Variants in TTLL6 observed in about 807,000 individuals in gnomAD.
TTLL6 encodes the protein tubulin polyglutamylase TTLL6.
In TTLL6, 75 loss-of-function variants were observed where a neutral mutation model predicts 96.4. That is an observed-to-expected ratio of 0.78 (90% CI 0.65 to 0.94). TTLL6 has a LOEUF of 0.94. TTLL6 is among the 40% of genes least tolerant of loss of function. The pLI, the probability that TTLL6 is intolerant of heterozygous loss-of-function variation, is 0.00. For synonymous variants in TTLL6, 411 were observed against 419.4 expected (o/e 0.98, Z 0.24); for missense variants, 1,030 against 1,093.0 (o/e 0.94, Z 0.81).
Position 48,782,915 on chromosome 17 carries a change from G to A in TTLL6, c.2040+2008C>T, listed in dbSNP as rs1413068655. ...TTTTGTAGAGACGGGGTTTCATCAT[G>A]TTGCCGAGGCTGGTCTTGAACTCCT... On this transcript the variant is annotated intron_variant, in intron 13 of 15. Transcript: ENST00000393382. 2.6e-5 allele frequency among the ~76,000 whole-genome samples: 4 copies of A among 151,988 alleles called. No individual in the cohort carries two copies. In the East Asian group the frequency reaches 7.8e-4, roughly 30 times the overall value.
Position 48,797,141 on chromosome 17 carries a change from G to C in TTLL6, c.832C>G (p.Pro278Ala), listed in dbSNP as rs900793524. Residue 278 changes from proline to alanine, a missense_variant, in exon 7 of 16, where the codon CCT (proline) becomes GCT (alanine). Coordinates refer to ENST00000393382, the MANE Select transcript of TTLL6 (RefSeq NM_001130918.3). ...RIYVLVTSCD[P>A]LRIFVYNEGL... is the part of the protein sequence containing the mutation. ...TCATTGTACACAAAAATCCTGAGAG[G>C]GTCACAGGATGTCACCAGTACATAA... 10 of 1,551,286 alleles carry C rather than the reference G, an allele frequency of 6.4e-6. No individual in the cohort carries two copies. The Admixed American group carries it at 1.2e-4, about 18-fold the overall frequency.
At chr17:48,807,026 G>A (rs1185738833) in intron 1 of TTLL6, among the ~76,000 whole-genome samples, 3 of 150,952 alleles carry the variant, frequency 2.0e-5, no homozygotes, top group South Asian at 2.1e-4. Flanking sequence ...GCGAGACTCC[G>A]TCTCAAAAAA....
chr17:48,777,049 C>CACACA (rs55732600), intron 13 of TTLL6, among the ~76,000 whole-genome samples: 38 of 147,702 alleles, frequency 2.6e-4, no homozygotes, highest in Admixed American at 7.4e-4. Context: ...CACACACACA[C>CACACA]CCCTAAAAAA....
At chr17:48,781,109 G>A (rs1433280631) in intron 13 of TTLL6, among the ~76,000 whole-genome samples, 2 of 151,358 alleles carry the variant, frequency 1.3e-5, no homozygotes, top group African/African-American at 2.4e-5. Flanking sequence ...GTGCAGTGGC[G>A]CGATCTTGGC....
intron 3 of TTLL6, among the ~76,000 whole-genome samples, chr17:48,802,394 T>A (rs538392793): frequency 6.6e-6 from 1 of 152,340 alleles, no homozygotes; most frequent in Admixed American, 6.5e-5. Context: ...TTTTTTTAAG[T>A]ACACACTGGA....
At chr17:48,800,384 T>C (rs1293292987) in intron 5 of TTLL6, 1 of 152,306 alleles carries the variant, frequency 6.6e-6, no homozygotes, top group African/African-American at 2.4e-5. Context: ...ATTCGGTCTA[T>C]CAGTCTCGCT....
chr17:48,776,494 G>GTATACATTAA (rs1282815026), intron 13 of TTLL6, among the ~76,000 whole-genome samples: 3 of 151,934 alleles, frequency 2.0e-5, no homozygotes, highest in Admixed American at 2.0e-4. Flanking sequence ...ATTCAAGATA[G>GTATACATTAA]TATACATTAA....
intron 15 of TTLL6, among the ~76,000 whole-genome samples, chr17:48,767,529 TG>T (rs2038639927): frequency 6.6e-6 from 1 of 152,328 alleles, no homozygotes; most frequent in Admixed American, 6.5e-5. Flanking sequence ...CTCTATGGGC[TG>T]GATGTTTCCT....
Position 48,786,267 on chromosome 17 carries a change from A to G in TTLL6, c.1658T>C (p.Met553Thr), listed in dbSNP as rs1477076099. The G allele has an allele frequency of 1.9e-6, 3 of 1,614,134 alleles. No individual in the cohort carries two copies. The highest frequency in any genetic ancestry group is 2.5e-6 in the Non-Finnish European group (3 of 1,180,030). ...KPFQMKKKVE[M>T]QGESAGEQVR... ...TTGCTCGCCTGCCGATTCCCCCTGC[A>G]TCTCTACCTTCTTCTTCATTTGGAA... Residue 553 changes from methionine (M) to threonine (T), a missense_variant, in exon 12 of 16, where the codon ATG becomes ACG. Met to Thr is a moderately conservative substitution (Grantham distance 81, BLOSUM62 -1). Transcript: ENST00000393382.
intron 1 of TTLL6, among the ~76,000 whole-genome samples, chr17:48,807,727 G>A (rs1242789363): frequency 6.6e-6 from 1 of 151,932 alleles, no homozygotes; most frequent in Non-Finnish European, 1.5e-5. Context: ...GGCCAAGCTG[G>A]TCTTCAACTC....
At position 48,790,170 on chromosome 17, in the gene TTLL6, G is replaced by A. The variant is rs945658180; in HGVS notation, c.1225-64C>T. The A allele has an allele frequency of 8.9e-6, 14 of 1,569,508 alleles. No homozygotes were observed. The African/African-American group carries it at 1.2e-4, about 14-fold the overall frequency. The stretch of plus-strand genomic sequence containing the variant: ...CAGAATGAAAGCAGAGAGTGAGGCC[G>A]AGGTGCCACCTCCAGGGCACTACCA... On this transcript the variant is annotated intron_variant, in intron 9 of 15. Transcript: ENST00000393382.
chr17:48,797,679 C>T (rs1439600405), intron 6 of TTLL6, among the ~76,000 whole-genome samples: 2 of 150,644 alleles, frequency 1.3e-5, no homozygotes, highest in Non-Finnish European at 2.9e-5. Context: ...CCCAGCTACT[C>T]AGGAGGCTGA....
intron 1 of TTLL6, among the ~76,000 whole-genome samples, chr17:48,815,129 A>T (rs1214182084): frequency 6.6e-6 from 1 of 152,180 alleles, no homozygotes; most frequent in East Asian, 1.9e-4. Flanking sequence ...CCTATAAATG[A>T]TAGAAAACAA....
At chr17:48,802,987 T>C (rs1333576428) in intron 3 of TTLL6, among the ~76,000 whole-genome samples, 4 of 151,654 alleles carry the variant, frequency 2.6e-5, no homozygotes, top group Non-Finnish European at 4.4e-5. Flanking sequence ...CTGACCAACA[T>C]GGAGAAACAC....
chr17:48,808,374 A>ATGTGTGTGTGTG (rs149038470), intron 1 of TTLL6, among the ~76,000 whole-genome samples: 2,718 of 148,674 alleles, frequency 0.018, 73 homozygotes, highest in African/African-American at 0.059. Context: ...TCTCATATGT[A>ATGTGTGTGTGTG]TGTGTGTGTG....
intron 15 of TTLL6, among the ~76,000 whole-genome samples, chr17:48,765,002 G>A (rs1043850386): frequency 1.3e-5 from 2 of 152,206 alleles, no homozygotes; most frequent in Non-Finnish European, 2.9e-5. Flanking sequence ...GGCTTCAAGA[G>A]TTTGGGGCTT....
In TTLL6 at chr17:48,803,728, C is replaced by T. The variant is rs1311451000; in HGVS notation, c.361+163G>A. Among the ~76,000 whole-genome samples the T allele has an allele frequency of 2.0e-5, 3 of 152,174 alleles. No individual in the cohort carries two copies. The East Asian group carries it at 5.8e-4, about 29-fold the overall frequency. On this transcript the variant is annotated intron_variant, in intron 3 of 15. Coordinates refer to ENST00000393382, the MANE Select transcript of TTLL6 (RefSeq NM_001130918.3). The stretch of plus-strand genomic sequence containing the variant: ...AACCCATGACTCTTGGAATAGGATT[C>T]CCAACCTCTTTAATTAAATAGTTCA...
chr17:48,788,044 A>G, intron 10 of TTLL6, 45 bp from the exon 11 acceptor site: 1 of 1,591,088 alleles, frequency 6.3e-7, no homozygotes, highest in Non-Finnish European at 8.6e-7. Flanking sequence ...TTTTCTTGGG[A>G]CAAAGCCTGG....
intron 14 of TTLL6, 53 bp from the exon 15 acceptor site, chr17:48,769,307 AAATTCCTGGTG>A: frequency 6.5e-7 from 1 of 1,534,174 alleles, no homozygotes; most frequent in Non-Finnish European, 8.8e-7. Flanking sequence ...GATTCAGCAC[AAATTCCTGGTG>A]AAGACCACCT....
Sources: allele counts gnomAD v4.1 joint callset (sites outside exome capture counted in the v4.1 genomes callset), GRCh38; gene constraint gnomAD v4.1.1; transcripts MANE v1.5; gene names NCBI Gene and HGNC (gene_info 2026-07-23, HGNC 2026-07-21).